DLG2: variants seen among roughly 807,000 people sequenced by gnomAD.
The protein encoded by DLG2 is disks large homolog 2.
Under a neutral mutation model 132.5 loss-of-function variants are expected in DLG2, and 45 were observed. The ratio of observed to expected loss-of-function variants is 0.34; its 90% CI spans 0.27 to 0.44. The LOEUF (loss-of-function observed/expected upper bound fraction) is 0.44. DLG2 is among the 20% of genes least tolerant of loss of function. The pLI is 1.00. For missense variants in DLG2, 1,045 were observed against 1,196.9 expected, an observed-to-expected ratio of 0.87 and a Z score of 1.87; for synonymous variants, 424 against 419.6, an observed-to-expected ratio of 1.01 and a Z score of -0.13.
At chr11:84,695,409 C>G (rs534241578) in intron 6 of DLG2, among the ~76,000 whole-genome samples, 1 of 151,702 alleles carries the variant, frequency 6.6e-6, no homozygotes, top group East Asian at 1.9e-4. Context: ...CCTAAACACT[C>G]AACTTTGGGA....
Position 84,849,465 on chromosome 11 carries a change from A to C in DLG2, c.357+262196T>G, listed in dbSNP as rs553871338. 7.9e-5 allele frequency among the ~76,000 whole-genome samples: 12 copies of C among 152,172 alleles called. No individual in the cohort carries two copies. In the East Asian group the frequency reaches 2.1e-3, roughly 27 times the overall value. On this transcript the variant is annotated intron_variant, in intron 6 of 27. Transcript: ENST00000376104. ...TACATATACAACCTCATCTTTTGCC[A>C]TATTCCTCTCCATGCTATAATCTAG... is the stretch of plus-strand genomic sequence containing the variant.
At chr11:83,844,638 A>T (rs1304963780) in intron 16 of DLG2, among the ~76,000 whole-genome samples, 1 of 151,824 alleles carries the variant, frequency 6.6e-6, no homozygotes, top group East Asian at 1.9e-4. Context: ...AGAATTGATA[A>T]AACTGAATAA....
At chr11:84,454,485 T>C (rs939491735) in intron 7 of DLG2, among the ~76,000 whole-genome samples, 1 of 151,388 alleles carries the variant, frequency 6.6e-6, no homozygotes, top group African/African-American at 2.4e-5. Context: ...GCAAGTCCAC[T>C]CCAAAGCATT....
At chr11:84,292,624 C>A (rs1190103449) in intron 7 of DLG2, among the ~76,000 whole-genome samples, 1 of 152,104 alleles carries the variant, frequency 6.6e-6, no homozygotes, top group East Asian at 1.9e-4. Context: ...CAGAATCTGG[C>A]ACCTATATCT....
At chr11:84,803,967 T>G (rs1479843812) in intron 6 of DLG2, among the ~76,000 whole-genome samples, 1 of 152,222 alleles carries the variant, frequency 6.6e-6, no homozygotes, top group Non-Finnish European at 1.5e-5. Context: ...AGCATGCATA[T>G]AAAAGTGGTA....
chr11:84,132,864 G>A (rs1237656070), intron 9 of DLG2, among the ~76,000 whole-genome samples: 1 of 151,984 alleles, frequency 6.6e-6, no homozygotes, highest in Non-Finnish European at 1.5e-5. Context: ...CACTTCAACA[G>A]AATTAGCATT....
rs1186464371 is a variant in DLG2 at position 83,874,353 on chromosome 11, G to GAGAA, written c.1565+66_1565+67insTTCT. The GAGAA allele has an allele frequency of 1.1e-5, 12 of 1,122,502 alleles. No homozygotes were observed. In the Admixed American group the frequency reaches 2.4e-4, roughly 22 times the overall value. The allele number at this position is 1,122,502 out of a possible 1,614,324, so 69.5% of individuals were successfully genotyped here. ...GGAAGGAGAAAGAGAGACAGAGACA[G>GAGAA]GGAGAGAAAGGAAGACTTCATATTC... is the stretch of plus-strand genomic sequence containing the variant. On this transcript the variant is annotated intron_variant, in intron 16 of 27. Coordinates refer to ENST00000376104, the MANE Select transcript of DLG2 (RefSeq NM_001142699.3).
intron 7 of DLG2, among the ~76,000 whole-genome samples, chr11:84,307,560 G>A (rs894971781): frequency 6.6e-6 from 1 of 152,102 alleles, no homozygotes; most frequent in African/African-American, 2.4e-5. Context: ...GCCGGGCGCA[G>A]TGAAGGGCGC....
At chr11:83,617,949 A>G (rs956919647) in intron 19 of DLG2, among the ~76,000 whole-genome samples, 1 of 152,166 alleles carries the variant, frequency 6.6e-6, no homozygotes, top group Non-Finnish European at 1.5e-5. Flanking sequence ...GTGAGCCAAG[A>G]TCTTGGCACT....
intron 18 of DLG2, among the ~76,000 whole-genome samples, chr11:83,722,836 C>G (rs1337739405): frequency 6.6e-6 from 1 of 152,142 alleles, no homozygotes; most frequent in Non-Finnish European, 1.5e-5. Flanking sequence ...AATATATGTT[C>G]TTAAGGAAAT....
At chr11:83,980,439 GA>G in intron 12 of DLG2, 66 bp downstream of exon 12, 1 of 1,498,696 alleles carries the variant, frequency 6.7e-7, no homozygotes, top group Admixed American at 2.1e-5. Context: ...AACTGACAAA[GA>G]CAGTCATACA....
intron 6 of DLG2, among the ~76,000 whole-genome samples, chr11:84,879,666 G>A (rs2086972285): frequency 6.6e-6 from 1 of 152,130 alleles, no homozygotes; most frequent in Admixed American, 6.6e-5. Context: ...TTAGGGCTAG[G>A]ACGTTCAATT....
chr11:85,404,085 T>C (rs1215063249), intron 3 of DLG2, among the ~76,000 whole-genome samples: 1 of 151,996 alleles, frequency 6.6e-6, no homozygotes, highest in Non-Finnish European at 1.5e-5. Context: ...AATCATTTTA[T>C]GAAAAGAGTA....
intron 3 of DLG2, among the ~76,000 whole-genome samples, chr11:85,335,694 C>T (rs768978134): frequency 6.6e-6 from 1 of 151,882 alleles, no homozygotes; most frequent in Non-Finnish European, 1.5e-5. Context: ...ATATAAAATG[C>T]TTGGATGACA....
intron 5 of DLG2, among the ~76,000 whole-genome samples, chr11:85,147,139 TG>T (rs1455771414): frequency 6.6e-6 from 1 of 152,224 alleles, no homozygotes; most frequent in Non-Finnish European, 1.5e-5. Context: ...CCTTCTTTAG[TG>T]TCTCTTTCCT....
chr11:85,523,833 T>C (rs116199323), intron 3 of DLG2, among the ~76,000 whole-genome samples: 1,905 of 152,298 alleles, frequency 0.013, 29 homozygotes, highest in African/African-American at 0.044. Flanking sequence ...GCAACCTAAG[T>C]GTCCCTCAAC....
chr11:84,371,486 G>C (rs1429875067), intron 7 of DLG2, among the ~76,000 whole-genome samples: 1 of 151,966 alleles, frequency 6.6e-6, no homozygotes, highest in African/African-American at 2.4e-5. Context: ...GGGCTCAAAA[G>C]ATCTACTCAC....
At chr11:85,371,826 T>C (rs1324599937) in intron 3 of DLG2, among the ~76,000 whole-genome samples, 1 of 152,218 alleles carries the variant, frequency 6.6e-6, no homozygotes, top group African/African-American at 2.4e-5. Flanking sequence ...TTCCTTGTGG[T>C]ACACACTTCC....
chr11:85,065,356 T>C (rs2064754326), intron 6 of DLG2, among the ~76,000 whole-genome samples: 2 of 151,364 alleles, frequency 1.3e-5, no homozygotes, highest in Admixed American at 6.6e-5. Flanking sequence ...CCTTGATGGC[T>C]CCAGGTTTGG....
Sources: gnomAD v4.1 joint callset for allele counts (sites outside exome capture counted in the v4.1 genomes callset) on GRCh38, gnomAD v4.1.1 for gene constraint, MANE v1.5 for transcripts, NCBI Gene and HGNC (gene_info 2026-07-23, HGNC 2026-07-21) for gene names.